The following BCAS3 variants were observed in gnomAD, a reference collection of about 807,000 sequenced individuals.
The protein encoded by BCAS3 is BCAS3 microtubule associated cell migration factor.
BCAS3 carries 53 observed loss-of-function variants against 116.1 expected under a neutral mutation model. That is an observed-to-expected ratio of 0.46 (90% CI 0.37 to 0.57). The LOEUF (loss-of-function observed/expected upper bound fraction) is 0.57. BCAS3 is among the 20% of genes least tolerant of loss of function. The probability of loss-of-function intolerance (pLI) is 0.00; values close to 1 mark genes in which losing one functional copy is unlikely to be tolerated. For synonymous variants in BCAS3, 391 were observed against 408.2 expected (o/e 0.96, Z 0.51); for missense variants, 917 against 1,165.4 (o/e 0.79, Z 3.10).
intron 19 of BCAS3, among the ~76,000 whole-genome samples, chr17:61,054,444 A>G (rs548706508): frequency 9.9e-5 from 15 of 152,226 alleles, no homozygotes; most frequent in Non-Finnish European, 2.1e-4. Context: ...ACAGATCACT[A>G]CAGCCTCAAC....
At chr17:61,163,997 C>CAAA (rs71148384) in intron 22 of BCAS3, among the ~76,000 whole-genome samples, 22 of 112,506 alleles carry the variant, frequency 2.0e-4, no homozygotes, top group African/African-American at 8.2e-4. Flanking sequence ...AACTCCATCT[C>CAAA]AAAAAAAAAA....
rs945507670 is a variant in BCAS3 at position 61,388,514 on chromosome 17, G to A, written c.2594-3463G>A. On this transcript the variant is annotated intron_variant, in intron 23 of 23. Coordinates refer to ENST00000407086, the MANE Select transcript of BCAS3 (RefSeq NM_017679.5). The surrounding 1 kb of genome is among the most constrained non-coding windows in gnomAD (Gnocchi z 6.5). ...CTCCCCCTCCTCACGGTGTGCCCCT[G>A]CGCCTCCTGACACCTCTCCACCTGC... 2 of 1,085,862 alleles carry A rather than the reference G, an allele frequency of 1.8e-6. No individual in the cohort carries two copies. Among genetic ancestry groups the A allele is most frequent in the Non-Finnish European group, 2.6e-6 (2 of 761,216 alleles). The allele number at this position is 1,085,862 out of a possible 1,614,324, so 67.3% of individuals were successfully genotyped here. A position where few individuals can be genotyped will look rare whatever the true frequency, so the allele number is the denominator to read the frequency against.
rs113049300 is a variant in BCAS3 at position 61,066,470 on chromosome 17, A to G, written c.2030-8450A>G. Among the ~76,000 whole-genome samples, 260 of 152,246 alleles carry G rather than the reference A, an allele frequency of 1.7e-3. 1 individual carries two copies. The highest frequency in any genetic ancestry group is 5.5e-3 in the African/African-American group (227 of 41,560). ...TTAAATGAAATGGTACTGGATACAG[A>G]TATTTTTATTTTTATTCTTGCTTTA... On this transcript the variant is annotated intron_variant, in intron 19 of 23. Coordinates refer to ENST00000407086, the MANE Select transcript of BCAS3 (RefSeq NM_017679.5).
Position 61,128,238 on chromosome 17 carries a change from A to G in BCAS3, c.2425+43674A>G. 1 of 985,424 alleles carries G rather than the reference A, an allele frequency of 1.0e-6. No individual in the cohort carries two copies. Among genetic ancestry groups the G allele is most frequent in the Non-Finnish European group, 1.2e-6 (1 of 829,924 alleles). 61.0% of individuals were successfully genotyped at this position (985,424 alleles called of 1,614,324 possible). A position where few individuals can be genotyped will look rare whatever the true frequency, so the allele number is the denominator to read the frequency against. ...GAGTACATGAAGATGAAGCCCATGC[A>G]ATGAGGACAGCCTAGGCCGTGTTAG... On this transcript the variant is annotated intron_variant, in intron 22 of 23. Transcript: ENST00000407086. The surrounding 1 kb of genome is among the most constrained non-coding windows in gnomAD (Gnocchi z 4.1).
chr17:61,289,932 C>T (rs1327436962), intron 22 of BCAS3, among the ~76,000 whole-genome samples: 1 of 152,106 alleles, frequency 6.6e-6, no homozygotes, highest in Non-Finnish European at 1.5e-5. Flanking sequence ...TGCCCCGTGT[C>T]CTTGCCTCCA....
chr17:60,968,951 G>C (rs1289960762), intron 14 of BCAS3, among the ~76,000 whole-genome samples: 1 of 151,300 alleles, frequency 6.6e-6, no homozygotes, highest in African/African-American at 2.4e-5. Flanking sequence ...GGGAAAGCTG[G>C]TTTACCACCT....
intron 6 of BCAS3, among the ~76,000 whole-genome samples, chr17:60,756,366 C>T (rs544751750): frequency 2.0e-4 from 31 of 152,236 alleles, no homozygotes; most frequent in African/African-American, 7.2e-4. Flanking sequence ...AGTTGGGGAC[C>T]CCTGTTCTAA....
At chr17:60,681,384 C>A (rs1024003719) in intron 2 of BCAS3, among the ~76,000 whole-genome samples, 8 of 151,488 alleles carry the variant, frequency 5.3e-5, no homozygotes, top group Non-Finnish European at 1.2e-4. Context: ...CCTGTAATCC[C>A]AGCTACTTGG....
At chr17:60,705,430 G>A (rs1055407991) in intron 4 of BCAS3, among the ~76,000 whole-genome samples, 15 of 151,238 alleles carry the variant, frequency 9.9e-5, no homozygotes, top group African/African-American at 2.2e-4. Context: ...CATGAGAATC[G>A]CTTGAGCCTG....
In BCAS3 at chr17:61,065,341, T is replaced by C. The variant is rs1242952783; in HGVS notation, c.2030-9579T>C. On this transcript the variant is annotated intron_variant, in intron 19 of 23. Coordinates refer to ENST00000407086, the MANE Select transcript of BCAS3 (RefSeq NM_017679.5). The surrounding 1 kb of genome is among the most constrained non-coding windows in gnomAD (Gnocchi z 4.8). ...AGAAACTACATTCCCAAGCAGAATT[T>C]CATCCTTATATCCTGAGTGCTTTCT... Among the ~76,000 whole-genome samples, 4 of 152,234 alleles carry C rather than the reference T, an allele frequency of 2.6e-5. No individual in the cohort carries two copies. Among genetic ancestry groups the C allele is most frequent in the Non-Finnish European group, 5.9e-5 (4 of 68,038 alleles).
At chr17:60,887,005 TA>T in intron 9 of BCAS3, 1 of 157,314 alleles carries the variant, frequency 6.4e-6, no homozygotes, top group South Asian at 1.4e-4. Flanking sequence ...TTTGTTTACC[TA>T]AGCAAGCCTG....
chr17:61,210,189 A>G (rs192631182), intron 22 of BCAS3, among the ~76,000 whole-genome samples: 53 of 152,338 alleles, frequency 3.5e-4, no homozygotes, highest in South Asian at 6.2e-4. Context: ...ATTTATCCAT[A>G]TCTCAGAATT....
chr17:61,179,122 A>G (rs1428759669), intron 22 of BCAS3, among the ~76,000 whole-genome samples: 1 of 152,116 alleles, frequency 6.6e-6, no homozygotes, highest in Non-Finnish European at 1.5e-5. Context: ...TAGAAAACTT[A>G]CACCCAGGTA....
intron 12 of BCAS3, among the ~76,000 whole-genome samples, chr17:60,919,447 C>T (rs2058956052): frequency 1.3e-5 from 2 of 152,142 alleles, no homozygotes; most frequent in African/African-American, 2.4e-5. Flanking sequence ...TGCTCAGCCT[C>T]CCGAGCATCT....
chr17:60,955,386 ATTTTT>A (rs1016334366), intron 14 of BCAS3, among the ~76,000 whole-genome samples: 1 of 128,084 alleles, frequency 7.8e-6, no homozygotes, highest in African/African-American at 3.5e-5. Context: ...GGGAAACTGA[ATTTTT>A]TTTTTTTTTT....
At chr17:61,372,060 A>C (rs1019361287) in intron 23 of BCAS3, among the ~76,000 whole-genome samples, 1 of 152,176 alleles carries the variant, frequency 6.6e-6, no homozygotes, top group African/African-American at 2.4e-5. Context: ...TCCATTCGGC[A>C]AACTCCAATT....
chr17:60,678,841 AC>A (rs1229658365), intron 1 of BCAS3, among the ~76,000 whole-genome samples: 3 of 152,096 alleles, frequency 2.0e-5, no homozygotes, highest in Admixed American at 2.0e-4. Flanking sequence ...TGGTTCTCTC[AC>A]CCTTGTAATT....
intron 22 of BCAS3, among the ~76,000 whole-genome samples, chr17:61,172,892 G>GC (rs1329979802): frequency 6.6e-6 from 1 of 151,652 alleles, no homozygotes; most frequent in Admixed American, 6.6e-5. Flanking sequence ...GGAAGCTGAG[G>GC]CAGGAGCATG....
chr17:60,905,724 T>C (rs2058154751), intron 11 of BCAS3, among the ~76,000 whole-genome samples: 1 of 152,150 alleles, frequency 6.6e-6, no homozygotes, highest in Admixed American at 6.6e-5. Flanking sequence ...GGAAGTTTCA[T>C]AGATGAAGAA....
Sources: allele counts gnomAD v4.1 joint callset (sites outside exome capture counted in the v4.1 genomes callset), GRCh38; gene constraint gnomAD v4.1.1; non-coding constraint Gnocchi (gnomAD v3.1); transcripts MANE v1.5; gene names NCBI Gene and HGNC (gene_info 2026-07-23, HGNC 2026-07-21).